Variants in PI4K2A observed in about 807,000 individuals in gnomAD.
The protein encoded by PI4K2A is phosphatidylinositol 4-kinase type 2-alpha.
A neutral mutation model predicts 55.0 loss-of-function variants in PI4K2A; 20 were observed. The observed-to-expected ratio is 0.36, with a 90% CI of 0.26 to 0.53. The LOEUF (loss-of-function observed/expected upper bound fraction) is 0.53, where lower values mean the gene tolerates loss of function less well. Ranked by LOEUF, PI4K2A falls within the 20% of genes least tolerant of loss-of-function variation. The pLI, the probability that PI4K2A is intolerant of heterozygous loss-of-function variation, is 0.91. For synonymous variants in PI4K2A, 235 were observed against 258.5 expected (o/e 0.91, Z 0.87); for missense variants, 463 against 637.1 (o/e 0.73, Z 2.94).
chr10:97,644,746 T>C (rs7920031), intron 1 of PI4K2A, among the ~76,000 whole-genome samples: 48,936 of 152,152 alleles, frequency 0.32, 9,669 homozygotes, highest in African/African-American at 0.56. Flanking sequence ...CTACTTACAT[T>C]CCATTGTCTA....
chr10:97,651,269 C>CT (rs1475602712), intron 2 of PI4K2A, 128 bp downstream of exon 2: 3 of 654,596 alleles, frequency 4.6e-6, no homozygotes, highest in Non-Finnish European at 8.0e-6. Context: ...GGTTCTCGAT[C>CT]TTTTTTCGGG....
intron 8 of PI4K2A, among the ~76,000 whole-genome samples, chr10:97,673,291 A>C (rs1185575217): frequency 6.6e-6 from 1 of 152,194 alleles, no homozygotes; most frequent in African/African-American, 2.4e-5. Context: ...GTGCCTGGCA[A>C]GTATTTATTT....
At chr10:97,652,405 C>T (rs2041533600) in intron 2 of PI4K2A, among the ~76,000 whole-genome samples, 1 of 152,124 alleles carries the variant, frequency 6.6e-6, no homozygotes, top group South Asian at 2.1e-4. Context: ...AAGCAGTCCT[C>T]CCACCTCAGC....
At chr10:97,653,095 C>T (rs2135755328) in intron 2 of PI4K2A, among the ~76,000 whole-genome samples, 1 of 152,290 alleles carries the variant, frequency 6.6e-6, no homozygotes, top group South Asian at 2.1e-4. Context: ...CTTAAGTCTC[C>T]TAACCTGAAA....
chr10:97,660,949 A>T (rs760762199), intron 4 of PI4K2A, among the ~76,000 whole-genome samples: 1 of 147,500 alleles, frequency 6.8e-6, no homozygotes. Flanking sequence ...TTTTTTTTCA[A>T]CTAAGGCTTT....
chr10:97,673,031 G>T (rs1224863586), intron 8 of PI4K2A, among the ~76,000 whole-genome samples: 1 of 151,282 alleles, frequency 6.6e-6, no homozygotes, highest in Non-Finnish European at 1.5e-5. Context: ...CTGTTACCCA[G>T]GCTGGAGTGC....
intron 1 of PI4K2A, among the ~76,000 whole-genome samples, chr10:97,643,773 C>T (rs1484667327): frequency 6.6e-6 from 1 of 152,238 alleles, no homozygotes; most frequent in Non-Finnish European, 1.5e-5. Flanking sequence ...TCATCTTTGG[C>T]TCTCCTCCAA....
chr10:97,672,723 T>TTG, intron 8 of PI4K2A, among the ~76,000 whole-genome samples: 1 of 112,158 alleles, frequency 8.9e-6, no homozygotes, highest in Admixed American at 9.7e-5. Context: ...AGAGGGTCTG[T>TTG]TCTTTTTTTT....
In PI4K2A at chr10:97,656,947, G is replaced by T; in HGVS notation, c.895G>T (p.Val299Leu). ...ACTGCTCCAGTTTGAGCGGTTGGTG[G>T]TGCTGGATTACATCATCCGCAACAC... The change falls in exon 4 of 9, where the codon GTG becomes TTG. Residue 299 changes from valine (V) to leucine (L), a missense_variant. Transcript: ENST00000370631. The surrounding 1 kb of genome is among the most constrained non-coding windows in gnomAD (Gnocchi z 4.5). 1.2e-6 allele frequency: 2 copies of T among 1,614,192 alleles called. No homozygotes were observed. Among genetic ancestry groups the T allele is most frequent in the Non-Finnish European group, 1.7e-6 (2 of 1,180,034 alleles).
chr10:97,675,735 T>C (rs1411698537), exon 9 of PI4K2A: 1 of 152,794 alleles, frequency 6.5e-6, no homozygotes, highest in Non-Finnish European at 1.5e-5. Context: ...AGGAGAGAGC[T>C]GGTCCTGGGC....
Position 97,656,846 on chromosome 10 carries a change from A to G in PI4K2A, c.794A>G (p.Glu265Gly). 6.2e-7 allele frequency: 1 copy of G among 1,614,132 alleles called. No homozygotes were observed. The highest frequency in any genetic ancestry group is 8.5e-7 in the Non-Finnish European group (1 of 1,179,972). The change falls in exon 4 of 9, where the codon GAA becomes GGA. Residue 265 changes from glutamate to glycine, a missense_variant. Glu to Gly is a moderately conservative substitution (Grantham distance 98). Transcript: ENST00000370631. This position sits in a 1 kb window ranked among gnomAD's most constrained non-coding sequence, Gnocchi z 4.5. Reference sequence around the variant, plus strand: ...GTTGGTTCATTCCAGCTCTTTGTTGAAGGCTACAAAGATGCAGACTATTGG... The same window carrying G: ...GTTGGTTCATTCCAGCTCTTTGTTGGAGGCTACAAAGATGCAGACTATTGG...
intron 4 of PI4K2A, among the ~76,000 whole-genome samples, chr10:97,662,604 A>G (rs1382245883): frequency 3.9e-5 from 6 of 152,014 alleles, no homozygotes; most frequent in Admixed American, 6.6e-5. Flanking sequence ...TAATTGTTCT[A>G]CCTCTCAAGC....
At chr10:97,672,726 T>TTTTG (rs1491321507) in intron 8 of PI4K2A, among the ~76,000 whole-genome samples, 1 of 85,084 alleles carries the variant, frequency 1.2e-5, no homozygotes, top group African/African-American at 6.9e-5. Flanking sequence ...GGGTCTGTTC[T>TTTTG]TTTTTTTTTT....
chr10:97,651,188 C>T (rs548458491), intron 2 of PI4K2A, 47 bp downstream of exon 2: 4 of 1,450,588 alleles, frequency 2.8e-6, no homozygotes, highest in Admixed American at 1.7e-5. Context: ...CCACAGTTTT[C>T]CTGGGGCCTA....
chr10:97,669,908 T>C (rs1427525324), intron 8 of PI4K2A, among the ~76,000 whole-genome samples: 7 of 152,070 alleles, frequency 4.6e-5, no homozygotes, highest in African/African-American at 1.7e-4. Context: ...CATTTTCTTT[T>C]TCTTTTCTTT....
intron 4 of PI4K2A, among the ~76,000 whole-genome samples, chr10:97,657,758 T>C (rs1366445386): frequency 6.6e-6 from 1 of 152,124 alleles, no homozygotes; most frequent in Non-Finnish European, 1.5e-5. Flanking sequence ...AACATAAAAT[T>C]TATTATCTTA....
rs2041563310 is a variant in PI4K2A at position 97,657,970 on chromosome 10, G to A, written c.922+996G>A. Among the ~76,000 whole-genome samples, 6 of 152,058 alleles carry A rather than the reference G, an allele frequency of 3.9e-5. No individual in the cohort carries two copies. In the South Asian group the frequency reaches 1.3e-3, roughly 32 times the overall value. On this transcript the variant is annotated intron_variant, in intron 4 of 8. Coordinates refer to ENST00000370631, the Ensembl canonical transcript of PI4K2A. ...CTCACCTCAGCCTTCTGAGTAGCTG[G>A]GATTACAGACACCCGCCATCATGCA...
intron 4 of PI4K2A, 46 bp downstream of exon 4, chr10:97,657,020 A>C (rs923879852): frequency 3.8e-6 from 6 of 1,596,418 alleles, no homozygotes; most frequent in Non-Finnish European, 8.6e-7. Flanking sequence ...GACTGTGTTG[A>C]GGCATGGGGA....
intron 1 of PI4K2A, among the ~76,000 whole-genome samples, chr10:97,646,656 C>T (rs2041506567): frequency 1.3e-5 from 2 of 152,212 alleles, no homozygotes; most frequent in Admixed American, 1.3e-4. Context: ...TATGCTTGAA[C>T]TGTCTTACAT....
Sources: gnomAD v4.1 joint callset for allele counts (sites outside exome capture counted in the v4.1 genomes callset) on GRCh38, gnomAD v4.1.1 for gene constraint, Gnocchi (gnomAD v3.1) non-coding constraint, MANE v1.5 for transcripts, NCBI Gene and HGNC (gene_info 2026-07-23, HGNC 2026-07-21) for gene names.